The following SDC4 variants were observed in gnomAD, a reference collection of about 807,000 sequenced individuals.
SDC4 encodes syndecan-4.
In SDC4, 17 loss-of-function variants were observed where a neutral mutation model predicts 20.5. The observed-to-expected ratio is 0.83, with a 90% CI of 0.57 to 1.25. The LOEUF is 1.25. Ranked by LOEUF, SDC4 falls within the 50% of genes most tolerant of loss-of-function variation. The pLI, the probability that SDC4 is intolerant of heterozygous loss-of-function variation, is 0.00. For missense variants in SDC4, 241 were observed against 252.3 expected, an observed-to-expected ratio of 0.96 and a Z score of 0.30; for synonymous variants, 107 against 105.3, an observed-to-expected ratio of 1.02 and a Z score of -0.10.
At chr20:45,337,160 A>C (rs776874776) in intron 1 of SDC4, among the ~76,000 whole-genome samples, 2 of 152,124 alleles carry the variant, frequency 1.3e-5, no homozygotes, top group African/African-American at 2.4e-5. Flanking sequence ...CCTCAAGAGC[A>C]CAGGAAACAT....
At position 45,330,396 on chromosome 20, in the gene SDC4, T is replaced by C; in HGVS notation, c.415A>G (p.Asn139Asp). 6.2e-7 allele frequency: 1 copy of C among 1,614,180 alleles called. No homozygotes were observed. Among genetic ancestry groups the C allele is most frequent in the Non-Finnish European group, 8.5e-7 (1 of 1,180,030 alleles). The stretch of plus-strand genomic sequence containing the variant: ...AGGACCTCCGTTCTCTCAAAGATGT[T>C]GCTGCCCTGCACAGTGCTGGACATT... ...VSMSSTVQGS[N>D]IFERTEVLAA... The change falls in exon 4 of 5, where the codon AAC (asparagine) becomes GAC (aspartate). Residue 139 changes from asparagine (N) to aspartate (D), a missense_variant. By Grantham distance (23) the Asn-to-Asp change is conservative. Coordinates refer to ENST00000372733, the MANE Select transcript of SDC4 (RefSeq NM_002999.4).
rs1448366273 is a variant in SDC4, at chr20:45,330,409, A to G, written c.402T>C (p.Thr134=). 6.2e-7 allele frequency: 1 copy of G among 1,614,084 alleles called. No individual in the cohort carries two copies. Among genetic ancestry groups the G allele is most frequent in the East Asian group, 2.2e-5 (1 of 44,884 alleles). ...TCTCAAAGATGTTGCTGCCCTGCAC[A>G]GTGCTGGACATTGACACCTTGTTGG... ...DVSNKVSMSS[T]VQGSNIFERT... is the part of the protein sequence containing the mutation. Residue 134 remains threonine, a synonymous_variant, in exon 4 of 5, where the codon ACT becomes ACC. Coordinates refer to ENST00000372733, the MANE Select transcript of SDC4 (RefSeq NM_002999.4).
rs559831241 is a variant in SDC4, at chr20:45,325,788, G to A, written c.*1476C>T. 55 of 152,430 alleles carry A rather than the reference G, an allele frequency of 3.6e-4. No homozygotes were observed. Among genetic ancestry groups the A allele is most frequent in the African/African-American group, 1.3e-3 (54 of 41,574 alleles). 9.4% of individuals were successfully genotyped at this position (152,430 alleles called of 1,614,324 possible). On this transcript the variant is annotated 3_prime_UTR_variant, in exon 5 of 5. Transcript: ENST00000372733. Reference sequence around the variant, plus strand: ...TACATACAGTGACGCCTCTAGAAACGTGGTTAGTGCAACTGAGGAAGGAAT... The same window carrying A: ...TACATACAGTGACGCCTCTAGAAACATGGTTAGTGCAACTGAGGAAGGAAT...
Position 45,348,389 on chromosome 20 carries a change from C to G in SDC4, c.-5G>C, listed in dbSNP as rs1486076146. 1.9e-6 allele frequency: 3 copies of G among 1,570,726 alleles called. No homozygotes were observed. Among genetic ancestry groups the G allele is most frequent in the Non-Finnish European group, 2.6e-6 (3 of 1,161,100 alleles). On this transcript the variant is annotated 5_prime_UTR_variant, in exon 1 of 5. Coordinates refer to ENST00000372733, the MANE Select transcript of SDC4 (RefSeq NM_002999.4). ...GAACAGACGGGCGGGGGCCATGGCA[C>G]CGCGGACTGGAGAAGGCGCGCAGGC...
intron 1 of SDC4, chr20:45,345,622 C>T (rs1319807715): frequency 6.6e-6 from 1 of 152,244 alleles, no homozygotes; most frequent in Non-Finnish European, 1.5e-5. Flanking sequence ...TGTCCTTAAG[C>T]TAAAGTACAC....
chr20:45,344,292 C>T (rs1393889135), intron 1 of SDC4, among the ~76,000 whole-genome samples: 1 of 105,346 alleles, frequency 9.5e-6, no homozygotes, highest in Non-Finnish European at 2.1e-5. Context: ...CCTGTATGTC[C>T]CCTCGAGCCC....
chr20:45,337,793 C>A (rs991306937), intron 1 of SDC4, among the ~76,000 whole-genome samples: 1 of 152,180 alleles, frequency 6.6e-6, no homozygotes, highest in African/African-American at 2.4e-5. Flanking sequence ...CGGAAGGGAG[C>A]GGGGTCAGGC....
chr20:45,347,651 C>T (rs1988052148), intron 1 of SDC4, among the ~76,000 whole-genome samples: 1 of 152,150 alleles, frequency 6.6e-6, no homozygotes, highest in African/African-American at 2.4e-5. Context: ...GAGTCTAAAC[C>T]ATTCCTCTCC....
chr20:45,338,473 A>C (rs575107072), intron 1 of SDC4, among the ~76,000 whole-genome samples: 1 of 152,326 alleles, frequency 6.6e-6, no homozygotes, highest in South Asian at 2.1e-4. Context: ...GACTTGTCTC[A>C]GGCTGAGAGA....
intron 1 of SDC4, among the ~76,000 whole-genome samples, chr20:45,346,091 A>T (rs540271846): frequency 6.6e-6 from 1 of 152,248 alleles, no homozygotes; most frequent in East Asian, 1.9e-4. Context: ...AATGCACCAG[A>T]TCTGTCATAT....
At chr20:45,332,669 A>G (rs1328316906) in intron 3 of SDC4, among the ~76,000 whole-genome samples, 1 of 152,010 alleles carries the variant, frequency 6.6e-6, no homozygotes, top group Non-Finnish European at 1.5e-5. Flanking sequence ...ATCTTGGCTC[A>G]CTGCAACCTC....
intron 3 of SDC4, 149 bp downstream of exon 3, chr20:45,332,873 AC>A: frequency 1.4e-6 from 1 of 702,944 alleles, no homozygotes. Flanking sequence ...CACCATGCCC[AC>A]CCCAGGGCCA....
At chr20:45,331,977 G>T (rs1052024981) in intron 3 of SDC4, among the ~76,000 whole-genome samples, 9 of 152,096 alleles carry the variant, frequency 5.9e-5, no homozygotes, top group African/African-American at 2.2e-4. Flanking sequence ...AAATAAAAAA[G>T]ATGTTTGCTG....
chr20:45,346,184 G>C (rs1988028899), intron 1 of SDC4, among the ~76,000 whole-genome samples: 1 of 152,150 alleles, frequency 6.6e-6, no homozygotes, highest in Non-Finnish European at 1.5e-5. Flanking sequence ...AAAAAGAAAA[G>C]GACACGCTGG....
chr20:45,330,729 CAA>C (rs1157396736), intron 3 of SDC4, among the ~76,000 whole-genome samples, 165 bp from the exon 4 acceptor site: 1 of 152,144 alleles, frequency 6.6e-6, no homozygotes, highest in Non-Finnish European at 1.5e-5. Context: ...ATTATGCTGC[CAA>C]AATCCTTATC....
intron 3 of SDC4, 47 bp from the exon 4 acceptor site, chr20:45,330,611 G>T (rs1401916052): frequency 6.4e-7 from 1 of 1,550,596 alleles, no homozygotes; most frequent in Admixed American, 1.7e-5. Context: ...TTTTGGAAGA[G>T]ACTCAGGGCA....
At chr20:45,336,045 C>T (rs1293837877) in intron 1 of SDC4, 125 bp from the exon 2 acceptor site, 5 of 961,884 alleles carry the variant, frequency 5.2e-6, no homozygotes, top group East Asian at 5.0e-5. Context: ...TGGAGACCTG[C>T]GTCCTGGATC....
chr20:45,348,234 T>TG, intron 1 of SDC4, 91 bp downstream of exon 1: 2 of 865,460 alleles, frequency 2.3e-6, no homozygotes, highest in Non-Finnish European at 3.4e-6. Flanking sequence ...ACCCCCGATC[T>TG]GCCCCCCCCC....
chr20:45,338,424 A>C (rs575482742), intron 1 of SDC4, among the ~76,000 whole-genome samples: 8 of 152,334 alleles, frequency 5.3e-5, no homozygotes, highest in Middle Eastern at 3.4e-3. Context: ...GCTGTTGACC[A>C]GGTCAAAGTC....
Sources: allele counts gnomAD v4.1 joint callset (sites outside exome capture counted in the v4.1 genomes callset), GRCh38; gene constraint gnomAD v4.1.1; transcripts MANE v1.5; gene names NCBI Gene and HGNC (gene_info 2026-07-23, HGNC 2026-07-21).